ITGA11: variants seen among roughly 807,000 people sequenced by gnomAD.
ITGA11 encodes the protein integrin alpha-11.
ITGA11 carries 97 observed loss-of-function variants against 141.9 expected under a neutral mutation model. That is an observed-to-expected ratio of 0.68 (90% confidence interval 0.58 to 0.81). The LOEUF is 0.81. ITGA11 is among the 30% of genes least tolerant of loss of function. The probability of loss-of-function intolerance (pLI) is 0.00; values close to 1 mark genes in which losing one functional copy is unlikely to be tolerated. For synonymous variants in ITGA11, 658 were observed against 624.6 expected (o/e 1.05, Z -0.80); for missense variants, 1,387 against 1,559.2 (o/e 0.89, Z 1.86).
chr15:68,369,389 T>TGGGAGGGGG, intron 2 of ITGA11, 105 bp from the exon 3 acceptor site: 1 of 38,336 alleles, frequency 2.6e-5, no homozygotes, highest in Non-Finnish European at 5.3e-5. Flanking sequence ...GTGGGGAGGG[T>TGGGAGGGGG]GGGAGGGAAC....
intron 13 of ITGA11, 35 bp downstream of exon 13, chr15:68,332,303 A>T (rs6494733): frequency 6.3e-7 from 1 of 1,578,534 alleles, no homozygotes. Context: ...GGTTGGGGGC[A>T]CCTGAGAAGC....
Position 68,321,597 on chromosome 15 carries a change from A to C in ITGA11, c.2323-94T>G, listed in dbSNP as rs1893816487. ...CAGCTCTGTCTCCACCACACTAGACATGGGCTGGCTTTCCTGCACTGTCCC... is the reference window on the plus strand; with the variant it reads ...CAGCTCTGTCTCCACCACACTAGACCTGGGCTGGCTTTCCTGCACTGTCCC... On this transcript the variant is annotated intron_variant, in intron 18 of 29. Coordinates refer to ENST00000315757, the MANE Select transcript of ITGA11 (RefSeq NM_001004439.2). This position sits in a 1 kb window ranked among gnomAD's most constrained non-coding sequence, Gnocchi z 4.9. 2 of 682,466 alleles carry C rather than the reference A, an allele frequency of 2.9e-6. No homozygotes were observed. The highest frequency in any genetic ancestry group is 3.8e-5 in the African/African-American group (2 of 52,602). The allele number at this position is 682,466 out of a possible 1,614,324, so 42.3% of individuals were successfully genotyped here. A position where few individuals can be genotyped will look rare whatever the true frequency, so the allele number is the denominator to read the frequency against.
At chr15:68,340,114 A>C (rs1353901483) in intron 10 of ITGA11, among the ~76,000 whole-genome samples, 2 of 151,912 alleles carry the variant, frequency 1.3e-5, no homozygotes, top group Non-Finnish European at 2.9e-5. Flanking sequence ...TTCAGCAAAC[A>C]TTCACTGAGG....
Position 68,405,468 on chromosome 15 carries a change from C to T in ITGA11, c.53-2439G>A, listed in dbSNP as rs529608616. Among the ~76,000 whole-genome samples, 5 of 152,208 alleles carry T rather than the reference C, an allele frequency of 3.3e-5. No individual in the cohort carries two copies. In the East Asian group the frequency reaches 7.7e-4, roughly 24 times the overall value. On this transcript the variant is annotated intron_variant, in intron 1 of 29. Coordinates refer to ENST00000315757, the MANE Select transcript of ITGA11 (RefSeq NM_001004439.2). ...GCTGCCCACTCTATCGTCACGATTC[C>T]TAATCTCCCACATGAATTTAGTGTC...
At chr15:68,381,435 A>G (rs1316827229) in intron 2 of ITGA11, among the ~76,000 whole-genome samples, 1 of 152,128 alleles carries the variant, frequency 6.6e-6, no homozygotes, top group Admixed American at 6.5e-5. Flanking sequence ...TTATATGAAT[A>G]AACAAATAAA....
At chr15:68,319,583 TGGGAGTGATCAGAAGTTTTAACCTG>T (rs575022566) in intron 20 of ITGA11, among the ~76,000 whole-genome samples, 2 of 152,328 alleles carry the variant, frequency 1.3e-5, no homozygotes, top group East Asian at 3.9e-4. Context: ...TGACAGCAGC[TGGGAGTGATCAGAAGTTTTAACCTG>T]GGGAAGAACC....
intron 18 of ITGA11, among the ~76,000 whole-genome samples, chr15:68,323,415 A>G (rs1473498744): frequency 6.6e-6 from 1 of 152,226 alleles, no homozygotes; most frequent in Non-Finnish European, 1.5e-5. Context: ...ATTAAAATAA[A>G]TAATTTAATG....
At chr15:68,428,475 G>C (rs759660026) in intron 1 of ITGA11, among the ~76,000 whole-genome samples, 1 of 152,140 alleles carries the variant, frequency 6.6e-6, no homozygotes, top group Non-Finnish European at 1.5e-5. Context: ...GGTCCACTGT[G>C]GGGTAGAGAT....
chr15:68,432,030 G>T lies in ITGA11; in HGVS notation c.37C>A (p.Leu13Ile). The stretch of plus-strand genomic sequence containing the variant: ...GGGCACCTACCTGGCCACAGGCTGA[G>T]CGCCCAGGCCACCACCAGGCCCCTG... ...LPRGLVVAWALSLWPGFTDTF... is the reference protein window; with the variant it reads ...LPRGLVVAWAISLWPGFTDTF... Residue 13 changes from leucine to isoleucine, a missense_variant, in exon 1 of 30, where the codon CTC (leucine) becomes ATC (isoleucine). Physicochemically the swap from Leu to Ile is conservative, Grantham distance 5 (BLOSUM62 2). Transcript: ENST00000315757. 1.5e-6 allele frequency: 2 copies of T among 1,339,590 alleles called. No homozygotes were observed. The highest frequency in any genetic ancestry group is 1.9e-6 in the Non-Finnish European group (2 of 1,042,896). 83.0% of individuals were successfully genotyped at this position (1,339,590 alleles called of 1,614,324 possible).
At chr15:68,364,060 C>T (rs1412468025) in intron 4 of ITGA11, among the ~76,000 whole-genome samples, 1 of 152,228 alleles carries the variant, frequency 6.6e-6, no homozygotes, top group East Asian at 1.9e-4. Flanking sequence ...TGCTCAGAAA[C>T]ATCATTGTTT....
chr15:68,383,011 C>T (rs1420218799), intron 2 of ITGA11, among the ~76,000 whole-genome samples: 1 of 152,160 alleles, frequency 6.6e-6, no homozygotes, highest in Non-Finnish European at 1.5e-5. Flanking sequence ...GTGGCTCACG[C>T]CTGTAATCTC....
chr15:68,340,473 T>C (rs1894531163), intron 10 of ITGA11, among the ~76,000 whole-genome samples: 1 of 152,076 alleles, frequency 6.6e-6, no homozygotes, highest in Non-Finnish European at 1.5e-5. Flanking sequence ...CTGAACGCTG[T>C]TTGATGGGGC....
chr15:68,352,194 T>G (rs1467156668), intron 7 of ITGA11, among the ~76,000 whole-genome samples: 3 of 151,202 alleles, frequency 2.0e-5, no homozygotes, highest in Non-Finnish European at 4.4e-5. Flanking sequence ...ATATTAGTTT[T>G]TTTTTTTTTT....
Position 68,357,140 on chromosome 15 carries a change from T to TA in ITGA11, c.749+10_749+11insT, listed in dbSNP as rs573260797. On this transcript the variant is annotated intron_variant, in intron 7 of 29. Transcript: ENST00000315757. ...TCTAAAAAAATTTTTTTTGTTCTAC[T>TA]TTTTTTTTACCGTGCAAATTCAATG... 4.6e-6 allele frequency: 7 copies of TA among 1,526,676 alleles called. No homozygotes were observed. The Admixed American group carries it at 1.4e-4, about 30-fold the overall frequency. 94.6% of individuals were successfully genotyped at this position (1,526,676 alleles called of 1,614,324 possible). A position where few individuals can be genotyped will look rare whatever the true frequency, so the allele number is the denominator to read the frequency against.
intron 10 of ITGA11, among the ~76,000 whole-genome samples, chr15:68,348,322 A>G (rs931475349): frequency 6.6e-6 from 1 of 152,190 alleles, no homozygotes; most frequent in Non-Finnish European, 1.5e-5. Context: ...CACAGCTGGA[A>G]CATCTGGATA....
At position 68,326,708 on chromosome 15, in the gene ITGA11, G is replaced by C; in HGVS notation, c.2157C>G (p.Ala719=). The C allele has an allele frequency of 6.3e-7, 1 of 1,587,436 alleles. No individual in the cohort carries two copies. Among genetic ancestry groups the C allele is most frequent in the South Asian group, 1.2e-5 (1 of 86,560 alleles). The change falls in exon 17 of 30, where the codon GCC becomes GCG. Residue 719 remains alanine, a synonymous_variant. Coordinates refer to ENST00000315757, the MANE Select transcript of ITGA11 (RefSeq NM_001004439.2). The surrounding 1 kb of genome is among the most constrained non-coding windows in gnomAD (Gnocchi z 6.8). ...DEGGDRFTNR[A]VLLSSGQELC... ...GCTCCTGGCCGGAGGAGAGCAGTACGGCTCTGTTGGTGAATCGGTCCCCGC... is the reference window on the plus strand; with the variant it reads ...GCTCCTGGCCGGAGGAGAGCAGTACCGCTCTGTTGGTGAATCGGTCCCCGC...
Position 68,328,001 on chromosome 15 carries a change from C to T in ITGA11, c.2068+95G>A. The T allele has an allele frequency of 7.0e-6, 9 of 1,281,774 alleles. No homozygotes were observed. Among genetic ancestry groups the T allele is most frequent in the Non-Finnish European group, 9.6e-6 (9 of 938,004 alleles). The allele number at this position is 1,281,774 out of a possible 1,614,324, so 79.4% of individuals were successfully genotyped here. A position where few individuals can be genotyped will look rare whatever the true frequency, so the allele number is the denominator to read the frequency against. Reference sequence around the variant, plus strand: ...GGCTCTTGGGCGACCTGGCACTTAGCACCCATTTTGGGAAAAGCCCAGGCT... The same window carrying T: ...GGCTCTTGGGCGACCTGGCACTTAGTACCCATTTTGGGAAAAGCCCAGGCT... On this transcript the variant is annotated intron_variant, in intron 16 of 29. Coordinates refer to ENST00000315757, the MANE Select transcript of ITGA11 (RefSeq NM_001004439.2). The surrounding 1 kb of genome is among the most constrained non-coding windows in gnomAD (Gnocchi z 4.8).
chr15:68,320,244 T>C lies in ITGA11; in HGVS notation c.2557A>G (p.Ser853Gly), dbSNP rs759504550. Reference protein sequence around the residue: ...TLENRGENAYSTVLNISQSAN... With the variant: ...TLENRGENAYGTVLNISQSAN... ...GACTGCGAGATATTTAGGACCGTGCTGTAGGCGTTCTCGCCCCTGTTCTCC... is the reference window on the plus strand; with the variant it reads ...GACTGCGAGATATTTAGGACCGTGCCGTAGGCGTTCTCGCCCCTGTTCTCC... Residue 853 changes from serine (S) to glycine (G), a missense_variant, in exon 20 of 30, where the codon AGC (serine) becomes GGC (glycine). Ser to Gly is a moderately conservative substitution (Grantham distance 56). Transcript: ENST00000315757. 2 of 1,613,942 alleles carry C rather than the reference T, an allele frequency of 1.2e-6. No individual in the cohort carries two copies. Among genetic ancestry groups the C allele is most frequent in the Non-Finnish European group, 1.7e-6 (2 of 1,179,910 alleles).
Position 68,312,973 on chromosome 15 carries a change from A to AGTGCC in ITGA11, c.2883-111_2883-110insGGCAC, listed in dbSNP as rs1284672561. The AGTGCC allele has an allele frequency of 8.3e-6, 6 of 726,650 alleles. No homozygotes were observed. In the African/African-American group the frequency reaches 8.7e-5, roughly 11 times the overall value. The allele number at this position is 726,650 out of a possible 1,614,324, so 45.0% of individuals were successfully genotyped here. On this transcript the variant is annotated intron_variant, in intron 23 of 29. Transcript: ENST00000315757. ...GCCGGCCTCCCCCGGGCCACGAAAA[A>AGTGCC]CAGGTTCCCGCTTGTGTCGGCTGGG... is the stretch of plus-strand genomic sequence containing the variant.
Sources: allele counts gnomAD v4.1 joint callset (sites outside exome capture counted in the v4.1 genomes callset), GRCh38; gene constraint gnomAD v4.1.1; non-coding constraint Gnocchi (gnomAD v3.1); transcripts MANE v1.5; gene names NCBI Gene and HGNC (gene_info 2026-07-23, HGNC 2026-07-21).